Variants in ADARB2 observed in about 807,000 individuals in gnomAD.
ADARB2 encodes the protein inactive double-stranded RNA-specific editase B2.
ADARB2 carries 25 observed loss-of-function variants against 62.2 expected under a neutral mutation model. The observed-to-expected ratio is 0.40, with a 90% CI of 0.29 to 0.56. ADARB2 has a LOEUF of 0.56. ADARB2 is among the 20% of genes least tolerant of loss of function. ADARB2 has a pLI of 0.43. For missense variants in ADARB2, 1,071 were observed against 1,077.4 expected (o/e 0.99, Z 0.08); for synonymous variants, 572 against 500.8 (o/e 1.14, Z -1.90).
intron 3 of ADARB2, among the ~76,000 whole-genome samples, chr10:1,325,928 C>T (rs1161658618): frequency 6.6e-6 from 1 of 151,364 alleles, no homozygotes; most frequent in Non-Finnish European, 1.5e-5. Context: ...GTTTAAACTC[C>T]TAACGCCTCA....
chr10:1,736,552 C>T (rs974954694), intron 1 of ADARB2, among the ~76,000 whole-genome samples: 1 of 152,256 alleles, frequency 6.6e-6, no homozygotes, highest in African/African-American at 2.4e-5. Flanking sequence ...AATCGACGGG[C>T]ACCACATTGA....
intron 8 of ADARB2, among the ~76,000 whole-genome samples, chr10:1,197,146 T>C: frequency 6.6e-6 from 1 of 152,240 alleles, no homozygotes; most frequent in East Asian, 1.9e-4. Context: ...GGATAAAATA[T>C]TTGCTACTGC....
intron 1 of ADARB2, among the ~76,000 whole-genome samples, chr10:1,587,888 C>G (rs559159220): frequency 7.2e-5 from 11 of 152,226 alleles, no homozygotes; most frequent in South Asian, 2.1e-4. Flanking sequence ...CTCTCATTCT[C>G]TCTTGACTGC....
At chr10:1,590,579 G>A (rs12268451) in intron 1 of ADARB2, among the ~76,000 whole-genome samples, 4 of 152,130 alleles carry the variant, frequency 2.6e-5, no homozygotes, top group Non-Finnish European at 4.4e-5. Flanking sequence ...CCCTCTGGCC[G>A]TTAGACGAGA....
At chr10:1,589,467 G>A (rs1833221941) in intron 1 of ADARB2, among the ~76,000 whole-genome samples, 1 of 151,402 alleles carries the variant, frequency 6.6e-6, no homozygotes, top group Non-Finnish European at 1.5e-5. Flanking sequence ...CATGGTTGGG[G>A]TGTCCACAGT....
intron 1 of ADARB2, among the ~76,000 whole-genome samples, chr10:1,509,929 T>A (rs7095678): frequency 1.3e-5 from 2 of 152,016 alleles, no homozygotes; most frequent in Non-Finnish European, 2.9e-5. Context: ...AAAATTATGC[T>A]TTAATGCTTG....
At chr10:1,267,154 C>A (rs61832016) in intron 4 of ADARB2, among the ~76,000 whole-genome samples, 9 of 149,690 alleles carry the variant, frequency 6.0e-5, no homozygotes, top group African/African-American at 2.2e-4. Context: ...AAAAAAAAAC[C>A]TTTCCCCCTC....
intron 1 of ADARB2, among the ~76,000 whole-genome samples, chr10:1,411,524 T>G (rs1477330548): frequency 6.6e-6 from 1 of 152,038 alleles, no homozygotes; most frequent in Non-Finnish European, 1.5e-5. Flanking sequence ...ATTTGAAGCT[T>G]TTTCCTCCTC....
intron 7 of ADARB2, among the ~76,000 whole-genome samples, chr10:1,209,581 T>A (rs1197479277): frequency 1.1e-5 from 1 of 91,032 alleles, no homozygotes; most frequent in Non-Finnish European, 2.3e-5. Flanking sequence ...TCACCCACAC[T>A]CTCACCATCA....
chr10:1,398,923 C>T lies in ADARB2; in HGVS notation c.101-19763G>A, dbSNP rs1832638689. On this transcript the variant is annotated intron_variant, in intron 1 of 9. Transcript: ENST00000381312. This position sits in a 1 kb window ranked among gnomAD's most constrained non-coding sequence, Gnocchi z 4.1. The stretch of plus-strand genomic sequence containing the variant: ...GGTAGAGTGGTTTGCCAGAGAACCA[C>T]CGAAGAGCCTTCCAGGGACTTCTAA... Among the ~76,000 whole-genome samples, 1 of 152,162 alleles carries T rather than the reference C, an allele frequency of 6.6e-6. No individual in the cohort carries two copies. Among genetic ancestry groups the T allele is most frequent in the Non-Finnish European group, 1.5e-5 (1 of 68,024 alleles).
At position 1,326,459 on chromosome 10, in the gene ADARB2, C is replaced by A. The variant is rs182817676; in HGVS notation, c.1077+36569G>T. Among the ~76,000 whole-genome samples, 17 of 152,284 alleles carry A rather than the reference C, an allele frequency of 1.1e-4. No homozygotes were observed. In the East Asian group the frequency reaches 3.1e-3, roughly 28 times the overall value. On this transcript the variant is annotated intron_variant, in intron 3 of 9. Coordinates refer to ENST00000381312, the MANE Select transcript of ADARB2 (RefSeq NM_018702.4). ...GGCGAGACCCCACGAGGGAGATGAC[C>A]CTGTGCTAATTCCGTTTCTGTCACT...
chr10:1,538,623 T>C (rs909061665), intron 1 of ADARB2, among the ~76,000 whole-genome samples: 2 of 152,132 alleles, frequency 1.3e-5, no homozygotes, highest in African/African-American at 4.8e-5. Context: ...GGGCATCACG[T>C]GGTGGACGGG....
At chr10:1,634,019 C>A (rs1833882799) in intron 1 of ADARB2, among the ~76,000 whole-genome samples, 1 of 152,214 alleles carries the variant, frequency 6.6e-6, no homozygotes, top group African/African-American at 2.4e-5. Flanking sequence ...TCTCTTCACA[C>A]CTCCCTTGAT....
chr10:1,622,628 C>T (rs1833717182), intron 1 of ADARB2, among the ~76,000 whole-genome samples: 1 of 152,154 alleles, frequency 6.6e-6, no homozygotes, highest in African/African-American at 2.4e-5. Context: ...CAATGAGATA[C>T]AGCTATATAC....
intron 8 of ADARB2, among the ~76,000 whole-genome samples, chr10:1,189,507 T>G (rs1448702487): frequency 1.3e-5 from 2 of 152,098 alleles, no homozygotes; most frequent in African/African-American, 4.8e-5. Context: ...AAAGCCTGGC[T>G]TGTGTTTAAT....
intron 3 of ADARB2, among the ~76,000 whole-genome samples, chr10:1,276,616 G>A (rs1159553220): frequency 6.6e-6 from 1 of 152,132 alleles, no homozygotes; most frequent in Non-Finnish European, 1.5e-5. Flanking sequence ...CAAGTCCTTA[G>A]AGACCTACGA....
intron 1 of ADARB2, among the ~76,000 whole-genome samples, chr10:1,417,254 T>C (rs1832811978): frequency 1.3e-5 from 2 of 151,732 alleles, no homozygotes; most frequent in African/African-American, 4.8e-5. Flanking sequence ...TCAAGAAGTA[T>C]AGACTAGATG....
At chr10:1,487,212 G>T (rs546840581) in intron 1 of ADARB2, among the ~76,000 whole-genome samples, 126 of 152,378 alleles carry the variant, frequency 8.3e-4, no homozygotes, top group Non-Finnish European at 1.5e-3. Context: ...TGAGACTCAG[G>T]TGAAGGGTTG....
At chr10:1,370,767 C>T (rs1832362785) in intron 2 of ADARB2, among the ~76,000 whole-genome samples, 1 of 152,150 alleles carries the variant, frequency 6.6e-6, no homozygotes, top group Admixed American at 6.5e-5. Context: ...AAGATAGCTA[C>T]AAGGAGAGCT....
Sources: allele counts gnomAD v4.1 joint callset (sites outside exome capture counted in the v4.1 genomes callset), GRCh38; gene constraint gnomAD v4.1.1; non-coding constraint Gnocchi (gnomAD v3.1); transcripts MANE v1.5; gene names NCBI Gene and HGNC (gene_info 2026-07-23, HGNC 2026-07-21).